The following SLC37A1 variants were observed in gnomAD, a reference collection of about 807,000 sequenced individuals.
SLC37A1 encodes glucose-6-phosphate exchanger SLC37A1.
A neutral mutation model predicts 75.3 loss-of-function variants in SLC37A1; 49 were observed. That is an observed-to-expected ratio of 0.65 (90% CI 0.52 to 0.83). The LOEUF (loss-of-function observed/expected upper bound fraction) is 0.83, where lower values mean the gene tolerates loss of function less well. Among genes scored for constraint, SLC37A1 ranks in the 40% least tolerant of loss-of-function variants. SLC37A1 has a pLI of 0.00. For missense variants in SLC37A1, 566 were observed against 695.0 expected, an observed-to-expected ratio of 0.81 and a Z score of 2.09; for synonymous variants, 268 against 292.1, an observed-to-expected ratio of 0.92 and a Z score of 0.84.
intron 17 of SLC37A1, among the ~76,000 whole-genome samples, chr21:42,572,153 C>T (rs78691192): frequency 0.03 from 4,547 of 152,238 alleles, 226 homozygotes; most frequent in African/African-American, 0.1. Flanking sequence ...TCAGAACCCC[C>T]GTCTTCCAGC....
intron 18 of SLC37A1, chr21:42,575,590 G>A: frequency 1.0e-6 from 1 of 985,148 alleles, no homozygotes; most frequent in Non-Finnish European, 1.2e-6. Context: ...GTGCAGCTGT[G>A]AGGGGTGCAT....
chr21:42,564,239 A>G (rs1213932346), intron 13 of SLC37A1, among the ~76,000 whole-genome samples: 1 of 150,890 alleles, frequency 6.6e-6, no homozygotes, highest in East Asian at 1.9e-4. Flanking sequence ...AAAAAAAAAA[A>G]GCATAGCTGG....
In SLC37A1 at chr21:42,564,737, C is replaced by G; in HGVS notation, c.1165C>G (p.Arg389Gly). ...GGILAGVISD[R>G]LEKRASTCGL... Reference sequence around the variant, plus strand: ...GATCCTGGCAGGTGTGATCTCAGACCGACTGGAGAAAAGGGCCTCCACCTG... The same window carrying G: ...GATCCTGGCAGGTGTGATCTCAGACGGACTGGAGAAAAGGGCCTCCACCTG... Residue 389 changes from arginine (R) to glycine (G), a missense_variant, in exon 14 of 20, where the codon CGA (arginine) becomes GGA (glycine). Transcript: ENST00000352133. 1 of 1,610,776 alleles carries G rather than the reference C, an allele frequency of 6.2e-7. No homozygotes were observed. Among genetic ancestry groups the G allele is most frequent in the Non-Finnish European group, 8.5e-7 (1 of 1,179,994 alleles).
At chr21:42,525,183 T>A (rs2054752340) in intron 2 of SLC37A1, among the ~76,000 whole-genome samples, 1 of 152,244 alleles carries the variant, frequency 6.6e-6, no homozygotes, top group Non-Finnish European at 1.5e-5. Context: ...TTCATCTGTA[T>A]GTATTCTTTG....
chr21:42,500,813 G>C (rs142985028), intron 1 of SLC37A1, among the ~76,000 whole-genome samples: 1,802 of 152,300 alleles, frequency 0.012, 21 homozygotes, highest in Middle Eastern at 0.02. Flanking sequence ...ATTCTTAAGC[G>C]TAAGTAGGTA....
intron 11 of SLC37A1, 46 bp from the exon 12 acceptor site, chr21:42,562,032 G>T (rs2055842940): frequency 1.4e-6 from 2 of 1,480,164 alleles, no homozygotes; most frequent in East Asian, 4.5e-5. Context: ...ACACACACCT[G>T]CTGACTCCAC....
chr21:42,580,291 T>C (rs935986728), intron 19 of SLC37A1, 54 bp from the exon 20 acceptor site: 2 of 1,593,984 alleles, frequency 1.3e-6, no homozygotes, highest in Non-Finnish European at 1.7e-6. Context: ...TCAGCATCTC[T>C]TGCTGAGCCA....
intron 10 of SLC37A1, among the ~76,000 whole-genome samples, chr21:42,557,158 G>A (rs61172196): frequency 2.0e-5 from 3 of 152,172 alleles, no homozygotes; most frequent in Admixed American, 1.3e-4. Flanking sequence ...AAGCGGCCTC[G>A]TTCCGCTTGA....
chr21:42,530,938 G>A (rs942040081), intron 3 of SLC37A1, among the ~76,000 whole-genome samples: 3 of 152,314 alleles, frequency 2.0e-5, no homozygotes, highest in Non-Finnish European at 2.9e-5. Context: ...TGGAAAGAAC[G>A]GAGCCTTCAT....
At chr21:42,559,558 C>T (rs922369754) in intron 11 of SLC37A1, among the ~76,000 whole-genome samples, 1 of 152,248 alleles carries the variant, frequency 6.6e-6, no homozygotes, top group African/African-American at 2.4e-5. Context: ...CCTTCGCGAG[C>T]CCGGCTGGAT....
At chr21:42,527,319 G>A (rs879821282) in intron 3 of SLC37A1, among the ~76,000 whole-genome samples, 4 of 151,986 alleles carry the variant, frequency 2.6e-5, no homozygotes, top group Admixed American at 1.3e-4. Context: ...TGACTATGAG[G>A]GCCCCTGTGA....
At chr21:42,533,849 C>T (rs1355808709) in intron 3 of SLC37A1, among the ~76,000 whole-genome samples, 4 of 152,202 alleles carry the variant, frequency 2.6e-5, no homozygotes, top group Admixed American at 6.5e-5. Context: ...AACTCCAGGG[C>T]GATGGCTTTC....
At chr21:42,500,033 G>A (rs569773819) in intron 1 of SLC37A1, among the ~76,000 whole-genome samples, 1 of 152,326 alleles carries the variant, frequency 6.6e-6, no homozygotes, top group African/African-American at 2.4e-5. Flanking sequence ...CCCTAAGTGT[G>A]TCTCTTCTGA....
intron 6 of SLC37A1, among the ~76,000 whole-genome samples, chr21:42,541,773 A>T (rs1480661657): frequency 6.6e-6 from 1 of 152,132 alleles, no homozygotes; most frequent in African/African-American, 2.4e-5. Flanking sequence ...ATGGGGTCTT[A>T]CTGTGTTGCC....
chr21:42,536,087 G>A (rs2055130623), intron 5 of SLC37A1, among the ~76,000 whole-genome samples: 1 of 152,202 alleles, frequency 6.6e-6, no homozygotes, highest in Admixed American at 6.5e-5. Context: ...GAACTCCAGA[G>A]AGAGACCGGC....
intron 11 of SLC37A1, among the ~76,000 whole-genome samples, chr21:42,560,631 G>C (rs559167256): frequency 3.3e-5 from 5 of 152,326 alleles, no homozygotes; most frequent in Admixed American, 2.6e-4. Flanking sequence ...TGCAGAGGTG[G>C]ACCCTGGAGC....
At chr21:42,556,033 T>C (rs2055682929) in intron 10 of SLC37A1, among the ~76,000 whole-genome samples, 1 of 152,096 alleles carries the variant, frequency 6.6e-6, no homozygotes, top group Admixed American at 6.5e-5. Context: ...TGACCTCCAC[T>C]CCTTTTCAGA....
intron 9 of SLC37A1, among the ~76,000 whole-genome samples, chr21:42,553,667 G>T (rs973775330): frequency 8.2e-5 from 12 of 146,434 alleles, no homozygotes; most frequent in Admixed American, 2.1e-4. Flanking sequence ...CCTAGAGACG[G>T]TTTTTTTTTT....
chr21:42,559,124 G>A (rs2146966447), intron 11 of SLC37A1, 35 bp downstream of exon 11: 1 of 1,597,582 alleles, frequency 6.3e-7, no homozygotes, highest in South Asian at 1.1e-5. Context: ...TTTCAGAAAG[G>A]GCTGCTGTGC....
Sources: allele counts gnomAD v4.1 joint callset (sites outside exome capture counted in the v4.1 genomes callset), GRCh38; gene constraint gnomAD v4.1.1; transcripts MANE v1.5; gene names NCBI Gene and HGNC (gene_info 2026-07-23, HGNC 2026-07-21).